Variants in LDB2 observed in about 807,000 individuals in gnomAD.
LDB2 encodes LIM domain-binding protein 2.
In LDB2, 12 loss-of-function variants were observed where a neutral mutation model predicts 44.3. The ratio of observed to expected loss-of-function variants is 0.27; its 90% CI spans 0.17 to 0.44. LDB2 has a LOEUF of 0.44. LDB2 is among the 20% of genes least tolerant of loss of function. LDB2 has a pLI of 1.00. For missense variants in LDB2, 344 were observed against 473.5 expected (o/e 0.73, Z 2.54); for synonymous variants, 164 against 174.8 (o/e 0.94, Z 0.49).
At chr4:16,556,034 C>G (rs1179335169) in intron 5 of LDB2, among the ~76,000 whole-genome samples, 1 of 152,194 alleles carries the variant, frequency 6.6e-6, no homozygotes, top group Non-Finnish European at 1.5e-5. Flanking sequence ...TGTTTCTCCT[C>G]TAGCTAAAAC....
intron 2 of LDB2, among the ~76,000 whole-genome samples, chr4:16,737,163 A>G (rs1272794414): frequency 6.6e-6 from 1 of 152,134 alleles, no homozygotes; most frequent in African/African-American, 2.4e-5. Flanking sequence ...TCAAAATTTG[A>G]CCATGTCTAT....
At chr4:16,696,280 T>C (rs1020719676) in intron 2 of LDB2, among the ~76,000 whole-genome samples, 1 of 152,120 alleles carries the variant, frequency 6.6e-6, no homozygotes, top group African/African-American at 2.4e-5. Context: ...TCCAGCTGGA[T>C]CAGGTGCTGC....
intron 1 of LDB2, among the ~76,000 whole-genome samples, chr4:16,860,088 G>A (rs1196949339): frequency 6.6e-6 from 1 of 152,154 alleles, no homozygotes; most frequent in African/African-American, 2.4e-5. Context: ...CACTCAAAGT[G>A]CAGCCCTAAC....
chr4:16,788,178 C>T (rs1407968794), intron 1 of LDB2, among the ~76,000 whole-genome samples: 1 of 152,214 alleles, frequency 6.6e-6, no homozygotes, highest in African/African-American at 2.4e-5. Context: ...AGAGCTTTCT[C>T]AATAGCCTTT....
At chr4:16,553,403 C>T (rs150234168) in intron 5 of LDB2, among the ~76,000 whole-genome samples, 1 of 152,234 alleles carries the variant, frequency 6.6e-6, no homozygotes, top group East Asian at 1.9e-4. Flanking sequence ...CTCAAGCACT[C>T]CTCCCACCTC....
intron 5 of LDB2, among the ~76,000 whole-genome samples, chr4:16,579,479 T>C (rs923150229): frequency 3.3e-5 from 5 of 152,124 alleles, no homozygotes; most frequent in African/African-American, 1.2e-4. Context: ...CATAATGACA[T>C]TTAGAGTAAG....
rs1025891893 is a variant in LDB2, at chr4:16,533,691, T to C, written c.616-21587A>G. On this transcript the variant is annotated intron_variant, in intron 5 of 7. Transcript: ENST00000304523. This position sits in a 1 kb window ranked among gnomAD's most constrained non-coding sequence, Gnocchi z 4.1. ...CTTGTCTGAGGGACGTCACCCTGGC[T>C]GAACAAATGGTTGCTTATGTAAAAG... is the stretch of plus-strand genomic sequence containing the variant. Among the ~76,000 whole-genome samples, 1 of 152,238 alleles carries C rather than the reference T, an allele frequency of 6.6e-6. No individual in the cohort carries two copies. The highest frequency in any genetic ancestry group is 1.5e-5 in the Non-Finnish European group (1 of 68,046).
chr4:16,856,190 A>G (rs1789317532), intron 1 of LDB2, among the ~76,000 whole-genome samples: 1 of 152,178 alleles, frequency 6.6e-6, no homozygotes, highest in African/African-American at 2.4e-5. Context: ...AACCTTTGAA[A>G]CAATGCCGAA....
intron 3 of LDB2, among the ~76,000 whole-genome samples, chr4:16,590,967 G>A (rs922023472): frequency 6.6e-6 from 1 of 152,152 alleles, no homozygotes; most frequent in Non-Finnish European, 1.5e-5. Context: ...ATTCCCCCTG[G>A]GGTGTCGGCA....
intron 5 of LDB2, among the ~76,000 whole-genome samples, chr4:16,569,630 A>T (rs1262387608): frequency 6.6e-6 from 1 of 152,148 alleles, no homozygotes; most frequent in Non-Finnish European, 1.5e-5. Flanking sequence ...CTATACCAGT[A>T]GGCAGATAAA....
Position 16,595,777 on chromosome 4 carries a change from G to C in LDB2, c.334C>G (p.His112Asp). Reference protein sequence around the residue: ...YILKHSKESYHNSSITVDCDQ... With the variant: ...YILKHSKESYDNSSITVDCDQ... ...CAGTCCACCGTGATGGATGAGTTGTGGTATGACTCTTTCGAGTGTTTGAGA... is the reference window on the plus strand; with the variant it reads ...CAGTCCACCGTGATGGATGAGTTGTCGTATGACTCTTTCGAGTGTTTGAGA... The change falls in exon 3 of 8, where the codon CAC becomes GAC. Residue 112 changes from histidine to aspartate, a missense_variant. Around this residue, in one of 3 missense-constraint regions of LDB2, gnomAD observed 226 missense variants for 270.1 expected, o/e 0.84. Coordinates refer to ENST00000304523, the MANE Select transcript of LDB2 (RefSeq NM_001290.5). 6.2e-7 allele frequency: 1 copy of C among 1,613,786 alleles called. No homozygotes were observed.
intron 1 of LDB2, among the ~76,000 whole-genome samples, chr4:16,880,515 C>G (rs747761431): frequency 2.0e-5 from 3 of 152,164 alleles, no homozygotes; most frequent in Non-Finnish European, 2.9e-5. Flanking sequence ...AGAGGAACAG[C>G]GCTTGTCTGC....
chr4:16,580,544 T>C (rs927686944), intron 5 of LDB2, among the ~76,000 whole-genome samples: 2 of 152,172 alleles, frequency 1.3e-5, no homozygotes, highest in Admixed American at 6.5e-5. Flanking sequence ...CTTGTAAACA[T>C]CCCACTCCAT....
intron 1 of LDB2, among the ~76,000 whole-genome samples, chr4:16,890,475 T>C (rs1415836027): frequency 1.3e-5 from 2 of 152,172 alleles, no homozygotes; most frequent in African/African-American, 4.8e-5. Flanking sequence ...TCCTTAACGC[T>C]AAGCCTCCTA....
chr4:16,803,501 T>C (rs1444950903), intron 1 of LDB2, among the ~76,000 whole-genome samples: 4 of 152,212 alleles, frequency 2.6e-5, no homozygotes, highest in Non-Finnish European at 5.9e-5. Context: ...AAGTTTGTTC[T>C]TATTTTAAAA....
At chr4:16,783,495 G>T (rs566843729) in intron 1 of LDB2, among the ~76,000 whole-genome samples, 2 of 152,226 alleles carry the variant, frequency 1.3e-5, no homozygotes, top group Non-Finnish European at 2.9e-5. Flanking sequence ...ATTCATGCCT[G>T]GCTCTTGCTT....
chr4:16,654,766 T>C (rs1739303894), intron 2 of LDB2, among the ~76,000 whole-genome samples: 1 of 152,228 alleles, frequency 6.6e-6, no homozygotes, highest in Non-Finnish European at 1.5e-5. Flanking sequence ...GAGACTCATG[T>C]TAAGTCTATA....
chr4:16,865,248 T>C (rs768281027), intron 1 of LDB2, among the ~76,000 whole-genome samples: 23 of 151,974 alleles, frequency 1.5e-4, no homozygotes, highest in Non-Finnish European at 2.5e-4. Context: ...CTAGGCTCTA[T>C]CTCAAAAAAA....
At chr4:16,785,557 G>T (rs910843331) in intron 1 of LDB2, among the ~76,000 whole-genome samples, 1 of 152,182 alleles carries the variant, frequency 6.6e-6, no homozygotes, top group Non-Finnish European at 1.5e-5. Flanking sequence ...GGCAGCAGCC[G>T]CATCGGGTGA....
Sources: allele counts gnomAD v4.1 joint callset (sites outside exome capture counted in the v4.1 genomes callset), GRCh38; gene constraint gnomAD v4.1.1; regional missense constraint gnomAD v4.1.1; non-coding constraint Gnocchi (gnomAD v3.1); transcripts MANE v1.5; gene names NCBI Gene and HGNC (gene_info 2026-07-23, HGNC 2026-07-21).